The following CTSC variants were observed in gnomAD, a reference collection of about 807,000 sequenced individuals.
CTSC encodes dipeptidyl peptidase 1.
Under a neutral mutation model 40.9 loss-of-function variants are expected in CTSC, and 37 were observed. That is an observed-to-expected ratio of 0.91 (90% CI 0.70 to 1.19). The LOEUF (loss-of-function observed/expected upper bound fraction) is 1.19, where lower values mean the gene tolerates loss of function less well. CTSC is among the 50% of genes most tolerant of loss of function. CTSC has a pLI of 0.00. For missense variants in CTSC, 594 were observed against 567.3 expected (o/e 1.05, Z -0.48); for synonymous variants, 232 against 207.4 (o/e 1.12, Z -1.02).
At chr11:88,326,588 A>C in intron 2 of CTSC, 1 of 662,510 alleles carries the variant, frequency 1.5e-6, no homozygotes. Context: ...GTAAATGTTA[A>C]GACATTCACA....
intron 2 of CTSC, among the ~76,000 whole-genome samples, chr11:88,317,889 TA>T (rs1937915056): frequency 6.6e-6 from 1 of 152,214 alleles, no homozygotes. Context: ...TATTTAAGTT[TA>T]AAAAACTATT....
chr11:88,326,347 GGTCCACACT>G, intron 2 of CTSC: 1 of 1,613,814 alleles, frequency 6.2e-7, no homozygotes, highest in South Asian at 1.1e-5. Context: ...GCTACAGGTA[GGTCCACACT>G]GTCGCAGGCT....
chr11:88,306,318 G>T (rs557866744), intron 4 of CTSC, among the ~76,000 whole-genome samples: 1 of 152,142 alleles, frequency 6.6e-6, no homozygotes, highest in Admixed American at 6.5e-5. Flanking sequence ...ATACTGGGTA[G>T]AAGAGGGTGG....
At position 88,312,413 on chromosome 11, in the gene CTSC, C is replaced by A. The variant is rs751653308; in HGVS notation, c.460G>T (p.Ala154Ser). The change falls in exon 3 of 7, where the codon GCA becomes TCA. Residue 154 changes from alanine to serine, a missense_variant. Ala to Ser is a moderately conservative substitution (Grantham distance 99). Coordinates refer to ENST00000227266, the MANE Select transcript of CTSC (RefSeq NM_001814.6). ...TASENVYVNI[A>S]HLKNSQEKYS... ...TTTTCCTGAGAATTCTTAAGGTGTG[C>A]TATGTTGACATACACATTCTCAGAG... 1 of 1,614,100 alleles carries A rather than the reference C, an allele frequency of 6.2e-7. No individual in the cohort carries two copies.
chr11:88,322,196 T>C (rs1181876352), intron 2 of CTSC: 1 of 152,228 alleles, frequency 6.6e-6, no homozygotes. Flanking sequence ...TTCTGTTGGT[T>C]GCCTGTTCAC....
intron 2 of CTSC, chr11:88,322,732 C>T (rs1202857618): frequency 6.6e-6 from 1 of 152,080 alleles, no homozygotes; most frequent in East Asian, 1.9e-4. Flanking sequence ...GAAGTTGGAT[C>T]CCTGAATAGA....
chr11:88,324,738 T>C (rs2134806492), intron 2 of CTSC: 1 of 985,380 alleles, frequency 1.0e-6, no homozygotes, highest in Non-Finnish European at 1.2e-6. Context: ...ACCAAAGTTC[T>C]GATGTTTCTC....
In CTSC at chr11:88,296,192, T is replaced by A. The variant is rs1308728982; in HGVS notation, c.830A>T (p.Asn277Ile). The A allele has an allele frequency of 6.2e-7, 1 of 1,614,024 alleles. No individual in the cohort carries two copies. The highest frequency in any genetic ancestry group is 1.7e-5 in the Admixed American group (1 of 60,010). ...LEARIRILTN[N>I]SQTPILSPQE... ...AGGGCTTAGGATTGGGGTCTGAGAA[T>A]TGTTGGTTAGTATACGGATTCTCGC... The change falls in exon 6 of 7, where the codon AAT becomes ATT. Residue 277 changes from asparagine to isoleucine, a missense_variant. Coordinates refer to ENST00000227266, the MANE Select transcript of CTSC (RefSeq NM_001814.6).
At position 88,325,104 on chromosome 11, in the gene CTSC, A is replaced by G; in HGVS notation, c.318+9833T>C. 5.1e-6 allele frequency: 5 copies of G among 985,354 alleles called. No individual in the cohort carries two copies. The African/African-American group carries it at 5.2e-5, about 10-fold the overall frequency. The allele number at this position is 985,354 out of a possible 1,614,324, so 61.0% of individuals were successfully genotyped here. A position where few individuals can be genotyped will look rare whatever the true frequency, so the allele number is the denominator to read the frequency against. ...CCAAAGCTGAAAGAAGTCAGCTCTA[A>G]ACCAACAGAGCAGGAAACAAGACCA... is the stretch of plus-strand genomic sequence containing the variant. On this transcript the variant is annotated intron_variant, in intron 2 of 6. Transcript: ENST00000227266.
At chr11:88,295,954 G>C (rs926578723) in intron 6 of CTSC, among the ~76,000 whole-genome samples, 179 bp downstream of exon 6, 2 of 152,150 alleles carry the variant, frequency 1.3e-5, no homozygotes, top group African/African-American at 4.8e-5. Context: ...TTGCTGGATG[G>C]TACAGTAAAT....
At chr11:88,308,262 T>C (rs1460739688) in intron 4 of CTSC, among the ~76,000 whole-genome samples, 2 of 152,184 alleles carry the variant, frequency 1.3e-5, no homozygotes, top group Non-Finnish European at 2.9e-5. Flanking sequence ...CCAACCACTT[T>C]TGTGAAGCTA....
intron 2 of CTSC, among the ~76,000 whole-genome samples, chr11:88,329,830 G>A (rs1002829154): frequency 6.6e-6 from 1 of 152,138 alleles, no homozygotes; most frequent in Admixed American, 6.6e-5. Context: ...GCGTTCAAGT[G>A]ATTCTACTGC....
chr11:88,297,192 C>T (rs1010271852), intron 5 of CTSC: 3 of 152,288 alleles, frequency 2.0e-5, no homozygotes, highest in South Asian at 4.1e-4. Context: ...TTTTCTCTCC[C>T]TGTCTCGTAG....
chr11:88,302,246 T>C (rs1368418419), intron 4 of CTSC, among the ~76,000 whole-genome samples: 1 of 152,234 alleles, frequency 6.6e-6, no homozygotes, highest in Non-Finnish European at 1.5e-5. Flanking sequence ...GCAAAGATTC[T>C]TTCTGGGCTA....
intron 2 of CTSC, chr11:88,327,854 G>A: frequency 2.0e-6 from 1 of 497,956 alleles, no homozygotes; most frequent in Non-Finnish European, 3.6e-6. Flanking sequence ...CGTCTACTTA[G>A]GTTACAAGTA....
intron 2 of CTSC, among the ~76,000 whole-genome samples, chr11:88,319,432 A>C (rs773879095): frequency 3.9e-5 from 6 of 152,132 alleles, no homozygotes; most frequent in Non-Finnish European, 7.4e-5. Context: ...AAGCTGTGAC[A>C]CTTTCATACT....
intron 6 of CTSC, among the ~76,000 whole-genome samples, chr11:88,295,030 T>TA (rs1178285916): frequency 9.2e-5 from 14 of 152,212 alleles, no homozygotes; most frequent in African/African-American, 3.4e-4. Context: ...GGCCCTATTA[T>TA]ATATATTATA....
Position 88,302,976 on chromosome 11 carries a change from T to C in CTSC, c.642-2331A>G, listed in dbSNP as rs189986980. On this transcript the variant is annotated intron_variant, in intron 4 of 6. Transcript: ENST00000227266. ...AAGGATCATAAAAATCTGTGCCTCATAGGTAATTTTATATATAGGGTGAGA... is the reference window on the plus strand; with the variant it reads ...AAGGATCATAAAAATCTGTGCCTCACAGGTAATTTTATATATAGGGTGAGA... 2.0e-5 allele frequency among the ~76,000 whole-genome samples: 3 copies of C among 152,294 alleles called. No individual in the cohort carries two copies. In the East Asian group the frequency reaches 5.8e-4, roughly 29 times the overall value.
intron 4 of CTSC, among the ~76,000 whole-genome samples, chr11:88,308,193 G>A (rs1345608653): frequency 6.6e-6 from 1 of 152,226 alleles, no homozygotes; most frequent in African/African-American, 2.4e-5. Flanking sequence ...ATTGGGCCAA[G>A]CTAACTTTGG....
Sources: gnomAD v4.1 joint callset for allele counts (sites outside exome capture counted in the v4.1 genomes callset) on GRCh38, gnomAD v4.1.1 for gene constraint, MANE v1.5 for transcripts, NCBI Gene and HGNC (gene_info 2026-07-23, HGNC 2026-07-21) for gene names.